PTPN4: variants seen among roughly 807,000 people sequenced by gnomAD.
The protein encoded by PTPN4 is tyrosine-protein phosphatase non-receptor type 4.
In PTPN4, 49 loss-of-function variants were observed where a neutral mutation model predicts 135.5. The observed-to-expected ratio is 0.36, with a 90% CI of 0.29 to 0.46. The LOEUF (loss-of-function observed/expected upper bound fraction) is 0.46, where lower values mean the gene tolerates loss of function less well. Among genes scored for constraint, PTPN4 ranks in the 20% least tolerant of loss-of-function variants. The probability of loss-of-function intolerance (pLI) is 1.00; values close to 1 mark genes in which losing one functional copy is unlikely to be tolerated. For synonymous variants in PTPN4, 333 were observed against 369.9 expected (o/e 0.90, Z 1.14); for missense variants, 860 against 1,101.0 (o/e 0.78, Z 3.10).
At position 119,978,416 on chromosome 2, in the gene PTPN4, A is replaced by G. The variant is rs1480983366; in HGVS notation, c.*1346A>G. On this transcript the variant is annotated 3_prime_UTR_variant, in exon 27 of 27. Coordinates refer to ENST00000263708, the MANE Select transcript of PTPN4 (RefSeq NM_002830.4). ...CTAAGTGTAATAACTCAATAACTAA[A>G]TTGAGAATTTTCTTGTTTTTTTGTG... 1 of 74,050 alleles carries G rather than the reference A, an allele frequency of 1.4e-5. No individual in the cohort carries two copies. The highest frequency in any genetic ancestry group is 4.7e-5 in the African/African-American group (1 of 21,468). The allele number at this position is 74,050 out of a possible 1,614,324, so 4.6% of individuals were successfully genotyped here. A position where few individuals can be genotyped will look rare whatever the true frequency, so the allele number is the denominator to read the frequency against.
intron 2 of PTPN4, among the ~76,000 whole-genome samples, chr2:119,857,456 C>G (rs533330784): frequency 4.6e-5 from 7 of 151,378 alleles, no homozygotes; most frequent in African/African-American, 1.5e-4. Flanking sequence ...ATTGCTTGAA[C>G]CAGTGAGGTG....
intron 10 of PTPN4, among the ~76,000 whole-genome samples, chr2:119,906,778 C>G (rs865912221): frequency 3.7e-4 from 57 of 152,292 alleles, no homozygotes; most frequent in African/African-American, 1.1e-3. Flanking sequence ...CCCACGCTGA[C>G]CACTCTTATT....
chr2:119,960,669 A>G lies in PTPN4; in HGVS notation c.2134-138A>G, dbSNP rs1679353211. On this transcript the variant is annotated intron_variant, in intron 22 of 26. Transcript: ENST00000263708. ...TCTACAGATAAAATAAGAAATTGTT[A>G]ATAAAGATTTGTTTTACTGACGGCA... The G allele has an allele frequency of 3.1e-6, 2 of 640,354 alleles. 1 individual carries two copies. The highest frequency in any genetic ancestry group is 6.6e-5 in the East Asian group (2 of 30,412). The allele number at this position is 640,354 out of a possible 1,614,324, so 39.7% of individuals were successfully genotyped here.
chr2:119,788,446 G>C (rs1691083572), intron 1 of PTPN4, among the ~76,000 whole-genome samples: 2 of 152,020 alleles, frequency 1.3e-5, no homozygotes, highest in African/African-American at 4.8e-5. Context: ...AATATGAATA[G>C]CATAAAATTT....
chr2:119,876,126 T>C (rs1450958896), intron 3 of PTPN4, among the ~76,000 whole-genome samples: 1 of 152,172 alleles, frequency 6.6e-6, no homozygotes. Context: ...GGCTGGAATT[T>C]AGTAAGCTGA....
intron 2 of PTPN4, among the ~76,000 whole-genome samples, chr2:119,860,815 C>T (rs1242953995): frequency 3.3e-5 from 5 of 152,028 alleles, no homozygotes; most frequent in Non-Finnish European, 7.4e-5. Context: ...CTGAGGCAGG[C>T]AGATCACCTG....
chr2:119,785,060 A>G (rs771158838), intron 1 of PTPN4, among the ~76,000 whole-genome samples: 2 of 152,144 alleles, frequency 1.3e-5, no homozygotes, highest in Non-Finnish European at 2.9e-5. Context: ...GGACCAGATC[A>G]TTATTTGTAT....
At chr2:119,915,820 T>A (rs1253399316) in intron 11 of PTPN4, 1 of 152,202 alleles carries the variant, frequency 6.6e-6, no homozygotes, top group East Asian at 1.9e-4. Flanking sequence ...CTTAGAAATC[T>A]GAGAAGTCTT....
At chr2:119,962,855 A>T in intron 24 of PTPN4, 111 bp downstream of exon 24, 1 of 920,158 alleles carries the variant, frequency 1.1e-6, no homozygotes, top group Non-Finnish European at 1.5e-6. Flanking sequence ...TATAAGAATT[A>T]TTGAATTATT....
intron 22 of PTPN4, among the ~76,000 whole-genome samples, chr2:119,957,837 T>A (rs1385403095): frequency 6.6e-6 from 1 of 152,132 alleles, no homozygotes; most frequent in African/African-American, 2.4e-5. Flanking sequence ...ACTTTACCTC[T>A]ACTCACTCTT....
chr2:119,925,242 T>C (rs1678804839), intron 12 of PTPN4, among the ~76,000 whole-genome samples: 1 of 152,170 alleles, frequency 6.6e-6, no homozygotes, highest in South Asian at 2.1e-4. Context: ...TTCTCCACTT[T>C]CTGATCTTCC....
chr2:119,806,117 T>A (rs1033052145), intron 1 of PTPN4, among the ~76,000 whole-genome samples: 4 of 152,210 alleles, frequency 2.6e-5, no homozygotes, highest in African/African-American at 9.6e-5. Flanking sequence ...CCCGCCACTG[T>A]AAAAACATGC....
chr2:119,900,990 C>G, intron 10 of PTPN4, among the ~76,000 whole-genome samples, 184 bp downstream of exon 10: 1 of 152,170 alleles, frequency 6.6e-6, no homozygotes, highest in East Asian at 1.9e-4. Context: ...TTCAAAATTA[C>G]TTTTTAAAAA....
intron 3 of PTPN4, among the ~76,000 whole-genome samples, chr2:119,865,856 T>C (rs748147155): frequency 1.1e-4 from 16 of 152,142 alleles, no homozygotes; most frequent in Admixed American, 9.2e-4. Flanking sequence ...TTATAATTGA[T>C]AAACTTAAAA....
At chr2:119,953,188 G>A (rs1679233877) in intron 19 of PTPN4, among the ~76,000 whole-genome samples, 1 of 152,016 alleles carries the variant, frequency 6.6e-6, no homozygotes, top group Non-Finnish European at 1.5e-5. Flanking sequence ...TTCTGGTTTT[G>A]TTCTATACAA....
At chr2:119,760,692 A>G (rs1690470183) in intron 1 of PTPN4, among the ~76,000 whole-genome samples, 1 of 150,084 alleles carries the variant, frequency 6.7e-6, no homozygotes, top group East Asian at 2.0e-4. Context: ...AACTCTAGGT[A>G]AAGCTTTGGA....
chr2:119,781,962 A>T (rs1184991205), intron 1 of PTPN4, among the ~76,000 whole-genome samples: 1 of 152,126 alleles, frequency 6.6e-6, no homozygotes, highest in East Asian at 1.9e-4. Flanking sequence ...ATATTATTAG[A>T]TTCATTTATT....
intron 1 of PTPN4, among the ~76,000 whole-genome samples, chr2:119,792,202 G>A (rs1163833136): frequency 6.6e-6 from 1 of 152,134 alleles, no homozygotes; most frequent in Non-Finnish European, 1.5e-5. Context: ...ACATTATAAA[G>A]TGCTTTCTTT....
chr2:119,814,145 A>G (rs1676949942), intron 2 of PTPN4, among the ~76,000 whole-genome samples: 1 of 152,224 alleles, frequency 6.6e-6, no homozygotes, highest in African/African-American at 2.4e-5. Context: ...TCAAAACCAT[A>G]TAGTTTTATA....
Sources: allele counts gnomAD v4.1 joint callset (sites outside exome capture counted in the v4.1 genomes callset), GRCh38; gene constraint gnomAD v4.1.1; transcripts MANE v1.5; gene names NCBI Gene and HGNC (gene_info 2026-07-23, HGNC 2026-07-21).